ZFP1: variants seen among roughly 807,000 people sequenced by gnomAD.
ZFP1 encodes the protein ZFP1 zinc finger protein, also known as zinc finger protein 1 homolog.
A neutral mutation model predicts 38.5 loss-of-function variants in ZFP1; 32 were observed. The observed-to-expected ratio is 0.83, with a 90% CI of 0.63 to 1.12. The LOEUF (loss-of-function observed/expected upper bound fraction) is 1.12, where lower values mean the gene tolerates loss of function less well. ZFP1 is among the 50% of genes most tolerant of loss of function. ZFP1 has a pLI of 0.00. For synonymous variants in ZFP1, 245 were observed against 168.8 expected (o/e 1.45, Z -3.50); for missense variants, 616 against 480.8 (o/e 1.28, Z -2.63).
intron 3 of ZFP1, among the ~76,000 whole-genome samples, chr16:75,167,226 C>T (rs1305762529): frequency 1.3e-5 from 2 of 152,152 alleles, no homozygotes; most frequent in Non-Finnish European, 2.9e-5. Context: ...GAGGGAGAAG[C>T]AGAAGCCAGT....
chr16:75,170,174 C>G lies in ZFP1; in HGVS notation c.1064C>G (p.Thr355Ser), dbSNP rs116441509. Residue 355 changes from threonine to serine, a missense_variant, in exon 4 of 4, where the codon ACT becomes AGT. Transcript: ENST00000570010. The stretch of plus-strand genomic sequence containing the variant: ...ACAGGAGAGAAACCCTATGAATGTA[C>G]TGAGTGCGGCAAAACTTTCAGCCAG... ...THTGEKPYEC[T>S]ECGKTFSQRS... 1,093 of 1,614,156 alleles carry G rather than the reference C, an allele frequency of 6.8e-4. 5 individuals are homozygous for G. The African/African-American group carries it at 0.012, about 18-fold the overall frequency.
At position 75,156,459 on chromosome 16, in the gene ZFP1, AAAAAGAAAAG is replaced by A. The variant is rs59284550; in HGVS notation, c.15+3507_15+3516del. On this transcript the variant is annotated intron_variant, in intron 2 of 3. Coordinates refer to ENST00000570010, the MANE Select transcript of ZFP1 (RefSeq NM_153688.4). Reference sequence around the variant, plus strand: ...GCAACAGAGTAAGACTCTGTCTCAGAAAAAGAAAAGAAAAGAAAAGAAATTTTGCTACTGT... The same window carrying A: ...GCAACAGAGTAAGACTCTGTCTCAGAAAAAGAAAAGAAATTTTGCTACTGT... Among the ~76,000 whole-genome samples, 2 of 150,970 alleles carry A rather than the reference AAAAAGAAAAG, an allele frequency of 1.3e-5. 1 individual carries two copies. The highest frequency in any genetic ancestry group is 6.8e-3 in the Middle Eastern group (2 of 294).
the ZFP1 span, among the ~76,000 whole-genome samples, chr16:75,124,512 G>T: frequency 6.7e-6 from 1 of 150,320 alleles, no homozygotes; most frequent in Admixed American, 6.6e-5. Flanking sequence ...GGCCGGGCAT[G>T]GTGGCTCACG....
At chr16:75,153,431 A>G (rs1247830034) in intron 2 of ZFP1, among the ~76,000 whole-genome samples, 2 of 152,328 alleles carry the variant, frequency 1.3e-5, no homozygotes, top group East Asian at 3.9e-4. Flanking sequence ...TTTCTTGTGT[A>G]GCTTTCCAGA....
At position 75,167,254 on chromosome 16, in the gene ZFP1, G is replaced by A. The variant is rs8053724; in HGVS notation, c.142+358G>A. On this transcript the variant is annotated intron_variant, in intron 3 of 3. Coordinates refer to ENST00000570010, the MANE Select transcript of ZFP1 (RefSeq NM_153688.4). ...AAGCCAGTGGAATTAGTATCCAGACGATTATGAGCAGCTCAGTACCTTTGA... is the reference window on the plus strand; with the variant it reads ...AAGCCAGTGGAATTAGTATCCAGACAATTATGAGCAGCTCAGTACCTTTGA... 7.6e-3 allele frequency among the ~76,000 whole-genome samples: 1,152 copies of A among 152,282 alleles called. 14 individuals are homozygous for A. Among genetic ancestry groups the A allele is most frequent in the African/African-American group, 0.026 (1,095 of 41,560 alleles).
At chr16:75,143,647 C>CTTTTTTTTTT (rs386385080), upstream of ZFP1, among the ~76,000 whole-genome samples, 5 of 93,770 alleles carry the variant, frequency 5.3e-5, no homozygotes, top group Non-Finnish European at 9.7e-5. Flanking sequence ...GGAGGTGAAT[C>CTTTTTTTTTT]TTTTTTTTTT....
Position 75,166,140 on chromosome 16 carries a change from A to G in ZFP1, c.16-630A>G, listed in dbSNP as rs575154262. ...TAAAACTTTGACTATTTAAACATCG[A>G]TGTCACAGAAATAATGCCTATGTGA... On this transcript the variant is annotated intron_variant, in intron 2 of 3. Transcript: ENST00000570010. 7.6e-3 allele frequency among the ~76,000 whole-genome samples: 1,158 copies of G among 152,316 alleles called. 10 individuals carry two copies. The highest frequency in any genetic ancestry group is 0.027 in the Middle Eastern group (8 of 294).
At chr16:75,126,775 T>C in the ZFP1 span, among the ~76,000 whole-genome samples, 1 of 152,242 alleles carries the variant, frequency 6.6e-6, no homozygotes, top group African/African-American at 2.4e-5. Flanking sequence ...CTTTGATATT[T>C]GACAAACTTT....
chr16:75,139,916 A>G, the ZFP1 span, among the ~76,000 whole-genome samples: 1 of 152,218 alleles, frequency 6.6e-6, no homozygotes, highest in Non-Finnish European at 1.5e-5. Context: ...TCTGAACTGT[A>G]CACTTGAAAA....
chr16:75,148,575 G>C lies in ZFP1; in HGVS notation c.-112G>C, dbSNP rs1312367897. The C allele has an allele frequency of 1.3e-5, 2 of 152,338 alleles. No individual in the cohort carries two copies. Among genetic ancestry groups the C allele is most frequent in the Non-Finnish European group, 2.9e-5 (2 of 68,118 alleles). 9.4% of individuals were successfully genotyped at this position (152,338 alleles called of 1,614,324 possible). A position where few individuals can be genotyped will look rare whatever the true frequency, so the allele number is the denominator to read the frequency against. On this transcript the variant is annotated 5_prime_UTR_variant, in exon 1 of 4. Coordinates refer to ENST00000570010, the MANE Select transcript of ZFP1 (RefSeq NM_153688.4). ...TGGGTGACAGAGCCCCCGTCTCCGC[G>C]CGTCTTCGCCGCCCTGCGCCGTGAC...
At chr16:75,161,673 G>A (rs1018274225) in intron 2 of ZFP1, among the ~76,000 whole-genome samples, 10 of 137,778 alleles carry the variant, frequency 7.3e-5, no homozygotes, top group East Asian at 4.3e-4. Flanking sequence ...AATTTCCTTC[G>A]AATTTTTTTC....
chr16:75,169,180 G>GA (rs2038274071), intron 3 of ZFP1, 73 bp from the exon 4 acceptor site: 3 of 1,509,252 alleles, frequency 2.0e-6, no homozygotes, highest in Non-Finnish European at 8.8e-7. Flanking sequence ...GAACACGTGT[G>GA]AAGACTTCCC....
At chr16:75,133,091 C>T in the ZFP1 span, among the ~76,000 whole-genome samples, 101 of 152,004 alleles carry the variant, frequency 6.6e-4, no homozygotes, top group Middle Eastern at 3.4e-3. Flanking sequence ...GAGTCTCCTG[C>T]TTCAGCCTCC....
chr16:75,131,771 C>G, the ZFP1 span, among the ~76,000 whole-genome samples: 1 of 152,068 alleles, frequency 6.6e-6, no homozygotes, highest in East Asian at 1.9e-4. Context: ...CGAGACCAGC[C>G]TGGCCAACAT....
At chr16:75,130,066 G>A in the ZFP1 span, among the ~76,000 whole-genome samples, 3 of 151,898 alleles carry the variant, frequency 2.0e-5, no homozygotes, top group African/African-American at 7.3e-5. Flanking sequence ...GCGCAAGCTC[G>A]GCTCACTGCA....
Position 75,169,922 on chromosome 16 carries a change from G to A in ZFP1, c.812G>A (p.Ser271Asn), listed in dbSNP as rs2038328376. ...AHMEKKPYEC[S>N]ECGKTFAQKF... is the part of the protein sequence containing the mutation. ...ATGGAGAAGAAGCCCTATGAGTGCA[G>A]TGAATGTGGAAAGACATTTGCCCAA... The change falls in exon 4 of 4, where the codon AGT (serine) becomes AAT (asparagine). Residue 271 changes from serine to asparagine, a missense_variant. Ser to Asn is a conservative substitution (Grantham distance 46). Transcript: ENST00000570010. 1 of 1,614,098 alleles carries A rather than the reference G, an allele frequency of 6.2e-7. No homozygotes were observed. Among genetic ancestry groups the A allele is most frequent in the Non-Finnish European group, 8.5e-7 (1 of 1,180,038 alleles).
At chr16:75,169,165 TGATA>T (rs1278499377) in intron 3 of ZFP1, 84 bp from the exon 4 acceptor site, 2 of 1,462,142 alleles carry the variant, frequency 1.4e-6, no homozygotes, top group Non-Finnish European at 1.8e-6. Flanking sequence ...GTCAGCCCTG[TGATA>T]GAACACGTGT....
the ZFP1 span, among the ~76,000 whole-genome samples, chr16:75,132,157 G>GC: frequency 1.3e-5 from 2 of 152,106 alleles, no homozygotes; most frequent in Non-Finnish European, 2.9e-5. Flanking sequence ...GGAAGCCAAG[G>GC]CGGGGAGATC....
chr16:75,142,011 G>T, the ZFP1 span, among the ~76,000 whole-genome samples: 1 of 146,796 alleles, frequency 6.8e-6, no homozygotes, highest in Non-Finnish European at 1.5e-5. Flanking sequence ...CCGAGATCGC[G>T]CCACTGCACT....
Sources: gnomAD v4.1 joint callset for allele counts (sites outside exome capture counted in the v4.1 genomes callset) on GRCh38, gnomAD v4.1.1 for gene constraint, MANE v1.5 for transcripts, NCBI Gene and HGNC (gene_info 2026-07-23, HGNC 2026-07-21) for gene names.